NDST4: variants seen among roughly 807,000 people sequenced by gnomAD.
NDST4 encodes N-deacetylase and N-sulfotransferase 4.
NDST4 carries 63 observed loss-of-function variants against 100.8 expected under a neutral mutation model. That is an observed-to-expected ratio of 0.62 (90% CI 0.51 to 0.77). The LOEUF (loss-of-function observed/expected upper bound fraction) is 0.77. NDST4 is among the 30% of genes least tolerant of loss of function. NDST4 has a pLI of 0.00. For synonymous variants in NDST4, 377 were observed against 361.8 expected (o/e 1.04, Z -0.48); for missense variants, 943 against 1,018.4 (o/e 0.93, Z 1.01).
chr4:115,002,013 A>C (rs1727301790), intron 2 of NDST4, among the ~76,000 whole-genome samples: 1 of 152,168 alleles, frequency 6.6e-6, no homozygotes, highest in Non-Finnish European at 1.5e-5. Flanking sequence ...TCAAATAATA[A>C]ATTAAAAAGT....
chr4:115,106,426 C>A (rs1377055204), intron 1 of NDST4, among the ~76,000 whole-genome samples: 1 of 151,844 alleles, frequency 6.6e-6, no homozygotes, highest in Non-Finnish European at 1.5e-5. Context: ...GGAGTGGTTC[C>A]TGGACCCCCT....
intron 2 of NDST4, among the ~76,000 whole-genome samples, chr4:114,981,216 TGGAA>T (rs61595600): frequency 0.19 from 26,255 of 136,766 alleles, 2,448 homozygotes; most frequent in Admixed American, 0.21. Flanking sequence ...GAAGAAAGGA[TGGAA>T]GGAAGGAAGG....
intron 6 of NDST4, among the ~76,000 whole-genome samples, chr4:114,908,595 G>A (rs2126213428): frequency 6.6e-6 from 1 of 152,156 alleles, no homozygotes; most frequent in East Asian, 1.9e-4. Context: ...GCAGCTGCAG[G>A]GCACTTGGGT....
intron 8 of NDST4, among the ~76,000 whole-genome samples, chr4:114,852,048 A>G (rs1467321420): frequency 6.6e-6 from 1 of 152,214 alleles, no homozygotes; most frequent in Non-Finnish European, 1.5e-5. Context: ...AGCAAAGTGT[A>G]TAAAACTGTC....
chr4:114,953,029 T>A (rs2126232859), intron 4 of NDST4, among the ~76,000 whole-genome samples: 1 of 151,234 alleles, frequency 6.6e-6, no homozygotes, highest in Admixed American at 6.6e-5. Flanking sequence ...TCTTTTTTTT[T>A]TTCTTTTTTT....
At chr4:114,878,194 G>T (rs1052155707) in intron 6 of NDST4, among the ~76,000 whole-genome samples, 2 of 152,102 alleles carry the variant, frequency 1.3e-5, no homozygotes, top group African/African-American at 4.8e-5. Flanking sequence ...TTCAGTTATT[G>T]ATCTTTCCAC....
At chr4:114,994,585 G>T (rs1053954230) in intron 2 of NDST4, among the ~76,000 whole-genome samples, 3 of 151,984 alleles carry the variant, frequency 2.0e-5, no homozygotes, top group Non-Finnish European at 4.4e-5. Flanking sequence ...GAAATTTCCA[G>T]TGTTGCTGTA....
intron 2 of NDST4, among the ~76,000 whole-genome samples, chr4:115,044,309 T>TTAAAGATTCA (rs1728417658): frequency 6.6e-6 from 1 of 152,106 alleles, no homozygotes; most frequent in Non-Finnish European, 1.5e-5. Context: ...TAAGAGAAGA[T>TTAAAGATTCA]TAAAGATTCA....
intron 2 of NDST4, among the ~76,000 whole-genome samples, chr4:115,042,985 T>TA (rs1698239908): frequency 6.6e-6 from 1 of 152,050 alleles, no homozygotes; most frequent in African/African-American, 2.4e-5. Flanking sequence ...TTCAAATATT[T>TA]AAAAATCTTT....
intron 2 of NDST4, among the ~76,000 whole-genome samples, chr4:115,060,443 T>A (rs1184946913): frequency 6.6e-6 from 1 of 152,030 alleles, no homozygotes; most frequent in African/African-American, 2.4e-5. Context: ...TGAAATTAAG[T>A]AAACTATTAC....
chr4:114,913,825 C>A (rs1241346690), intron 6 of NDST4, among the ~76,000 whole-genome samples: 1 of 151,186 alleles, frequency 6.6e-6, no homozygotes, highest in Non-Finnish European at 1.5e-5. Context: ...AGTAGGAATG[C>A]ATTTAATTTA....
At chr4:115,070,541 T>A (rs1183335702) in intron 2 of NDST4, among the ~76,000 whole-genome samples, 5 of 152,316 alleles carry the variant, frequency 3.3e-5, no homozygotes, top group African/African-American at 1.2e-4. Context: ...TAGGAGCTTA[T>A]ATACATGAAT....
chr4:114,997,249 C>T (rs1167236383), intron 2 of NDST4, among the ~76,000 whole-genome samples: 1 of 152,032 alleles, frequency 6.6e-6, no homozygotes, highest in Non-Finnish European at 1.5e-5. Flanking sequence ...AAAACTTCCA[C>T]AATGTTTTTC....
intron 1 of NDST4, among the ~76,000 whole-genome samples, chr4:115,083,302 A>G (rs967765959): frequency 6.6e-6 from 1 of 152,058 alleles, no homozygotes; most frequent in African/African-American, 2.4e-5. Context: ...AAGAAAAAAG[A>G]AAACAAATTA....
intron 2 of NDST4, among the ~76,000 whole-genome samples, chr4:114,983,751 A>G (rs1020218275): frequency 1.3e-5 from 2 of 152,170 alleles, no homozygotes; most frequent in Non-Finnish European, 1.5e-5. Flanking sequence ...GGGAGGGGCC[A>G]GGGGCAGAAT....
At chr4:114,980,255 C>A (rs1334233092) in intron 2 of NDST4, among the ~76,000 whole-genome samples, 1 of 152,144 alleles carries the variant, frequency 6.6e-6, no homozygotes, top group African/African-American at 2.4e-5. Context: ...AATAAAGTTT[C>A]TCAATTTGGG....
At chr4:115,025,300 A>G (rs1358189942) in intron 2 of NDST4, among the ~76,000 whole-genome samples, 1 of 152,174 alleles carries the variant, frequency 6.6e-6, no homozygotes, top group Admixed American at 6.5e-5. Flanking sequence ...TATTTAGTAA[A>G]GAGATATTGA....
intron 6 of NDST4, among the ~76,000 whole-genome samples, chr4:114,877,687 G>A (rs952138900): frequency 6.6e-6 from 1 of 152,132 alleles, no homozygotes; most frequent in Non-Finnish European, 1.5e-5. Flanking sequence ...AATGGTTCAC[G>A]CCTGTAATCC....
intron 11 of NDST4, among the ~76,000 whole-genome samples, 170 bp from the exon 12 acceptor site, chr4:114,833,885 T>A (rs1723255959): frequency 6.6e-6 from 1 of 152,230 alleles, no homozygotes; most frequent in Admixed American, 6.5e-5. Flanking sequence ...TCCTTCCACA[T>A]AAACAATAAA....
Sources: allele counts gnomAD v4.1 joint callset (sites outside exome capture counted in the v4.1 genomes callset), GRCh38; gene constraint gnomAD v4.1.1; transcripts MANE v1.5; gene names NCBI Gene and HGNC (gene_info 2026-07-23, HGNC 2026-07-21).